The following ERC2 variants were observed in gnomAD, a reference collection of about 807,000 sequenced individuals.
The protein encoded by ERC2 is ERC protein 2.
A neutral mutation model predicts 114.8 loss-of-function variants in ERC2; 42 were observed. The ratio of observed to expected loss-of-function variants is 0.37; its 90% confidence interval spans 0.29 to 0.47. The LOEUF (loss-of-function observed/expected upper bound fraction) is 0.47, where lower values mean the gene tolerates loss of function less well. ERC2 is among the 20% of genes least tolerant of loss of function. The pLI, the probability that ERC2 is intolerant of heterozygous loss-of-function variation, is 0.99. For synonymous variants in ERC2, 454 were observed against 425.5 expected, an observed-to-expected ratio of 1.07 and a Z score of -0.82; for missense variants, 939 against 1,150.7, an observed-to-expected ratio of 0.82 and a Z score of 2.66.
chr3:56,054,641 C>T (rs905862309), intron 7 of ERC2, among the ~76,000 whole-genome samples: 1 of 152,134 alleles, frequency 6.6e-6, no homozygotes, highest in African/African-American at 2.4e-5. Context: ...CTTATTTTAT[C>T]GATGAGCAAA....
chr3:56,409,822 G>T, intron 2 of ERC2, among the ~76,000 whole-genome samples: 1 of 152,256 alleles, frequency 6.6e-6, no homozygotes, highest in African/African-American at 2.4e-5. Flanking sequence ...AATACCATTT[G>T]TGTAATAATG....
At chr3:55,973,059 G>A (rs973123133) in intron 12 of ERC2, among the ~76,000 whole-genome samples, 11 of 152,180 alleles carry the variant, frequency 7.2e-5, no homozygotes, top group African/African-American at 2.7e-4. Flanking sequence ...TATAAAGCCA[G>A]GAGGTGGAGT....
At chr3:55,660,506 AC>A (rs911484182) in intron 17 of ERC2, among the ~76,000 whole-genome samples, 4 of 147,080 alleles carry the variant, frequency 2.7e-5, no homozygotes, top group African/African-American at 9.8e-5. Flanking sequence ...TATTTCCTTG[AC>A]CATCCAAATT....
At chr3:56,351,966 G>A (rs2058569650) in intron 2 of ERC2, among the ~76,000 whole-genome samples, 2 of 152,136 alleles carry the variant, frequency 1.3e-5, no homozygotes, top group African/African-American at 2.4e-5. Context: ...AGTAGAGGAA[G>A]GCTTCTTGGA....
At chr3:56,035,711 T>C (rs2074751505) in intron 7 of ERC2, among the ~76,000 whole-genome samples, 1 of 152,220 alleles carries the variant, frequency 6.6e-6, no homozygotes, top group South Asian at 2.1e-4. Flanking sequence ...AGCAGAGAGC[T>C]GCCCTCAGCA....
chr3:56,102,914 C>A (rs9866951), intron 6 of ERC2, among the ~76,000 whole-genome samples: 26,139 of 151,936 alleles, frequency 0.17, 2,452 homozygotes, highest in African/African-American at 0.23. Flanking sequence ...TTTTTTGTCA[C>A]CATTGACCAA....
chr3:56,166,257 T>C (rs928785941), intron 4 of ERC2, among the ~76,000 whole-genome samples: 3 of 152,092 alleles, frequency 2.0e-5, no homozygotes, highest in Non-Finnish European at 2.9e-5. Flanking sequence ...ATGTCATTTA[T>C]TTGTCATTGA....
chr3:56,254,216 C>A (rs1039634172), intron 3 of ERC2, among the ~76,000 whole-genome samples: 2 of 152,236 alleles, frequency 1.3e-5, no homozygotes, highest in Non-Finnish European at 2.9e-5. Flanking sequence ...TGCAAAGTGA[C>A]TCTAACAGGC....
chr3:55,767,821 T>C (rs1165940810), intron 14 of ERC2, among the ~76,000 whole-genome samples: 1 of 152,214 alleles, frequency 6.6e-6, no homozygotes, highest in Non-Finnish European at 1.5e-5. Context: ...TCGTTACTTA[T>C]TCAACAAACA....
At chr3:55,878,482 T>C (rs972209101) in intron 14 of ERC2, among the ~76,000 whole-genome samples, 1 of 152,208 alleles carries the variant, frequency 6.6e-6, no homozygotes, top group African/African-American at 2.4e-5. Context: ...TTCTACTATT[T>C]AATTAAAACT....
At chr3:56,414,419 G>C (rs1188792241) in intron 2 of ERC2, among the ~76,000 whole-genome samples, 2 of 152,142 alleles carry the variant, frequency 1.3e-5, no homozygotes, top group Non-Finnish European at 2.9e-5. Context: ...GAAGTCAAGA[G>C]AATTATTAAG....
intron 13 of ERC2, among the ~76,000 whole-genome samples, chr3:55,928,066 C>G (rs2065851082): frequency 6.6e-6 from 1 of 152,180 alleles, no homozygotes. Flanking sequence ...CTGCAGTAAA[C>G]ATAGTAGTGT....
chr3:55,885,133 G>C (rs1457474119), intron 14 of ERC2, among the ~76,000 whole-genome samples: 4 of 152,140 alleles, frequency 2.6e-5, no homozygotes, highest in Non-Finnish European at 5.9e-5. Flanking sequence ...GGGTAGACCT[G>C]ACCTAAAGAT....
At chr3:56,382,263 C>T (rs963851996) in intron 2 of ERC2, among the ~76,000 whole-genome samples, 5 of 152,064 alleles carry the variant, frequency 3.3e-5, no homozygotes, top group Admixed American at 2.0e-4. Flanking sequence ...CTCATGGATA[C>T]CACTGCAGCA....
chr3:55,709,642 A>C (rs1388098255), intron 15 of ERC2, among the ~76,000 whole-genome samples: 1 of 152,198 alleles, frequency 6.6e-6, no homozygotes, highest in Non-Finnish European at 1.5e-5. Context: ...AAGCAAATGC[A>C]ATCTGGGCCT....
At chr3:56,108,354 A>G (rs964548433) in intron 6 of ERC2, among the ~76,000 whole-genome samples, 1 of 152,172 alleles carries the variant, frequency 6.6e-6, no homozygotes, top group Non-Finnish European at 1.5e-5. Flanking sequence ...ATCGCAGAAC[A>G]ACACACAAAA....
chr3:56,396,416 C>T (rs938899488), intron 2 of ERC2, among the ~76,000 whole-genome samples: 3 of 152,176 alleles, frequency 2.0e-5, no homozygotes, highest in African/African-American at 7.2e-5. Flanking sequence ...AGTTCAAGTT[C>T]AGCCTGGGCA....
intron 2 of ERC2, among the ~76,000 whole-genome samples, chr3:56,312,794 T>C (rs986504510): frequency 5.3e-5 from 8 of 150,928 alleles, no homozygotes; most frequent in African/African-American, 1.9e-4. Flanking sequence ...TAATTATAAC[T>C]TGAATAATGT....
Position 56,235,246 on chromosome 3 carries a change from TA to T in ERC2, c.1074+60772del, listed in dbSNP as rs563447891. 2.4e-4 allele frequency among the ~76,000 whole-genome samples: 37 copies of T among 152,302 alleles called. No homozygotes were observed. In the East Asian group the frequency reaches 7.2e-3, roughly 29 times the overall value. ...CAATTCCAAGCTGAAAACTGAGATG[TA>T]ACAGTAAACAAGATAGGTATGGCCC... On this transcript the variant is annotated intron_variant, in intron 3 of 17. Coordinates refer to ENST00000288221, the MANE Select transcript of ERC2 (RefSeq NM_015576.3).
Sources: allele counts gnomAD v4.1 joint callset (sites outside exome capture counted in the v4.1 genomes callset), GRCh38; gene constraint gnomAD v4.1.1; transcripts MANE v1.5; gene names NCBI Gene and HGNC (gene_info 2026-07-23, HGNC 2026-07-21).